Variants in MARCHF1 observed in about 807,000 individuals in gnomAD.
MARCHF1 encodes E3 ubiquitin-protein ligase MARCHF1.
Under a neutral mutation model 54.2 loss-of-function variants are expected in MARCHF1, and 40 were observed. The observed-to-expected ratio is 0.74, with a 90% CI of 0.57 to 0.96. MARCHF1 has a LOEUF of 0.96. Ranked by LOEUF, MARCHF1 falls within the 40% of genes least tolerant of loss-of-function variation. MARCHF1 has a pLI of 0.00. For synonymous variants in MARCHF1, 236 were observed against 236.3 expected, an observed-to-expected ratio of 1.00 and a Z score of 0.01; for missense variants, 586 against 656.5, an observed-to-expected ratio of 0.89 and a Z score of 1.17.
rs187604448 is a variant in MARCHF1, at chr4:163,706,743, G to A, written c.112-5880C>T. 5.1e-3 allele frequency among the ~76,000 whole-genome samples: 781 copies of A among 151,696 alleles called. 12 individuals carry two copies. The highest frequency in any genetic ancestry group is 8.6e-3 in the Admixed American group (131 of 15,210). On this transcript the variant is annotated intron_variant, in intron 4 of 9. Transcript: ENST00000514618. ...TTCTTGTTTTCTGGAGAAGAAAGGAGGTAGATAAAATGATCTTAAAAAACA... is the reference window on the plus strand; with the variant it reads ...TTCTTGTTTTCTGGAGAAGAAAGGAAGTAGATAAAATGATCTTAAAAAACA...
chr4:163,901,106 G>T (rs1750931780), intron 3 of MARCHF1, among the ~76,000 whole-genome samples: 1 of 152,120 alleles, frequency 6.6e-6, no homozygotes, highest in African/African-American at 2.4e-5. Context: ...GATGCATACT[G>T]TAGAAGCACT....
At chr4:164,239,572 T>A (rs1732666843) in intron 1 of MARCHF1, among the ~76,000 whole-genome samples, 1 of 152,136 alleles carries the variant, frequency 6.6e-6, no homozygotes, top group Admixed American at 6.5e-5. Flanking sequence ...TTCAGATTGC[T>A]TTGTCAGGGT....
intron 4 of MARCHF1, among the ~76,000 whole-genome samples, chr4:163,806,247 T>C (rs1383597640): frequency 1.3e-5 from 2 of 152,220 alleles, no homozygotes; most frequent in Non-Finnish European, 2.9e-5. Context: ...ATCCTTCTTT[T>C]ATTTCTCAGT....
intron 1 of MARCHF1, among the ~76,000 whole-genome samples, chr4:164,208,585 A>G (rs1731676698): frequency 6.6e-6 from 1 of 152,200 alleles, no homozygotes; most frequent in Non-Finnish European, 1.5e-5. Context: ...TCTTCTCAAC[A>G]TGGATAAATG....
At chr4:164,020,757 C>T (rs183193581) in intron 2 of MARCHF1, among the ~76,000 whole-genome samples, 40 of 152,218 alleles carry the variant, frequency 2.6e-4, no homozygotes, top group African/African-American at 8.9e-4. Flanking sequence ...ACGGAGAAAC[C>T]CCATCTCTAC....
intron 5 of MARCHF1, among the ~76,000 whole-genome samples, chr4:163,663,671 C>G (rs951656527): frequency 6.6e-6 from 1 of 152,190 alleles, no homozygotes; most frequent in African/African-American, 2.4e-5. Flanking sequence ...GGCCACGTCT[C>G]TCCTGGCGCG....
chr4:163,637,234 A>G (rs1742367649), intron 5 of MARCHF1, among the ~76,000 whole-genome samples: 1 of 152,214 alleles, frequency 6.6e-6, no homozygotes, highest in Non-Finnish European at 1.5e-5. Context: ...ACAAAAGCCA[A>G]AATTGACAAA....
chr4:164,165,474 C>T (rs1198007762), intron 1 of MARCHF1, among the ~76,000 whole-genome samples: 1 of 151,842 alleles, frequency 6.6e-6, no homozygotes, highest in Non-Finnish European at 1.5e-5. Context: ...CACAACCAAG[C>T]CGTGCTGGCA....
intron 1 of MARCHF1, among the ~76,000 whole-genome samples, chr4:164,352,686 G>C (rs1730389948): frequency 2.0e-5 from 3 of 150,064 alleles, no homozygotes; most frequent in Admixed American, 2.0e-4. Context: ...ATCGAGGCTA[G>C]GAAGAAACTG....
intron 5 of MARCHF1, among the ~76,000 whole-genome samples, chr4:163,619,633 A>G (rs1741616889): frequency 6.6e-6 from 1 of 152,108 alleles, no homozygotes; most frequent in African/African-American, 2.4e-5. Context: ...GTTTCTCGGT[A>G]CAGACAAATT....
chr4:163,798,435 G>C (rs1747984635), intron 4 of MARCHF1, among the ~76,000 whole-genome samples: 1 of 152,146 alleles, frequency 6.6e-6, no homozygotes, highest in African/African-American at 2.4e-5. Flanking sequence ...GAATAAGACA[G>C]AGAGCATTAT....
At chr4:164,222,130 T>C (rs1207106781) in intron 1 of MARCHF1, among the ~76,000 whole-genome samples, 1 of 151,970 alleles carries the variant, frequency 6.6e-6, no homozygotes, top group Non-Finnish European at 1.5e-5. Context: ...ATTAATTCAA[T>C]CTACTAGGTG....
chr4:164,080,658 G>A (rs1270431012), intron 2 of MARCHF1, among the ~76,000 whole-genome samples: 1 of 150,398 alleles, frequency 6.6e-6, no homozygotes, highest in Non-Finnish European at 1.5e-5. Flanking sequence ...TTGTGTGTGT[G>A]TGTGTGTGTG....
intron 4 of MARCHF1, among the ~76,000 whole-genome samples, chr4:163,754,925 A>G (rs986354010): frequency 6.6e-6 from 1 of 152,196 alleles, no homozygotes; most frequent in African/African-American, 2.4e-5. Flanking sequence ...AGGAGACGGC[A>G]AAGATTCAAC....
intron 3 of MARCHF1, among the ~76,000 whole-genome samples, chr4:163,968,649 G>A (rs28564259): frequency 0.13 from 20,147 of 151,954 alleles, 3,221 homozygotes; most frequent in African/African-American, 0.36. Context: ...TGGTTCTGGG[G>A]ACCTCTTCCC....
intron 2 of MARCHF1, among the ~76,000 whole-genome samples, chr4:164,042,372 A>G (rs1047073770): frequency 6.6e-6 from 1 of 152,222 alleles, no homozygotes. Flanking sequence ...AGAAACTTAC[A>G]GTCATGGTGC....
intron 1 of MARCHF1, among the ~76,000 whole-genome samples, chr4:164,226,412 T>G (rs1397992095): frequency 6.6e-6 from 1 of 151,862 alleles, no homozygotes; most frequent in Admixed American, 6.6e-5. Context: ...ACAAAATAGA[T>G]TGGGGAGTAG....
intron 1 of MARCHF1, among the ~76,000 whole-genome samples, chr4:164,271,734 A>AG: frequency 6.6e-6 from 1 of 152,296 alleles, no homozygotes; most frequent in East Asian, 1.9e-4. Flanking sequence ...TAGATTAAAA[A>AG]TAAATGAGAA....
intron 7 of MARCHF1, among the ~76,000 whole-genome samples, chr4:163,609,992 G>C (rs1298600796): frequency 6.6e-6 from 1 of 152,000 alleles, no homozygotes; most frequent in East Asian, 1.9e-4. Flanking sequence ...ATAAGTTCAT[G>C]TAAAATTCAT....
Sources: gnomAD v4.1 joint callset for allele counts (sites outside exome capture counted in the v4.1 genomes callset) on GRCh38, gnomAD v4.1.1 for gene constraint, MANE v1.5 for transcripts, NCBI Gene and HGNC (gene_info 2026-07-23, HGNC 2026-07-21) for gene names.